The following PRKD3 variants were observed in gnomAD, a reference collection of about 807,000 sequenced individuals.
PRKD3 encodes the protein protein kinase D3.
In PRKD3, 47 loss-of-function variants were observed where a neutral mutation model predicts 99.2. The observed-to-expected ratio is 0.47, with a 90% CI of 0.38 to 0.60. The LOEUF is 0.60. Ranked by LOEUF, PRKD3 falls within the 20% of genes least tolerant of loss-of-function variation. The probability of loss-of-function intolerance (pLI) is 0.00; values close to 1 mark genes in which losing one functional copy is unlikely to be tolerated. For synonymous variants in PRKD3, 392 were observed against 355.4 expected, an observed-to-expected ratio of 1.10 and a Z score of -1.16; for missense variants, 1,019 against 1,088.4, an observed-to-expected ratio of 0.94 and a Z score of 0.90.
intron 2 of PRKD3, among the ~76,000 whole-genome samples, chr2:37,296,164 T>C (rs933809877): frequency 2.0e-5 from 3 of 152,234 alleles, no homozygotes; most frequent in East Asian, 3.8e-4. Flanking sequence ...TCATCAATAC[T>C]GTTTTGACCA....
intron 17 of PRKD3, 73 bp downstream of exon 17, chr2:37,256,589 G>C: frequency 1.4e-6 from 2 of 1,413,356 alleles, no homozygotes; most frequent in South Asian, 3.1e-5. Flanking sequence ...GACTGATTTG[G>C]GATGAGAAAG....
intron 7 of PRKD3, among the ~76,000 whole-genome samples, chr2:37,281,934 GA>G (rs1312211773): frequency 1.3e-5 from 2 of 150,216 alleles, no homozygotes; most frequent in East Asian, 2.0e-4. Flanking sequence ...ATCTTGAAAA[GA>G]AAAAAAAAGA....
rs76963773 is a variant in PRKD3, at chr2:37,303,260, C to T, written c.289-9989G>A. 5.0e-3 allele frequency among the ~76,000 whole-genome samples: 763 copies of T among 152,220 alleles called. 10 individuals carry two copies. Among genetic ancestry groups the T allele is most frequent in the African/African-American group, 0.017 (697 of 41,542 alleles). On this transcript the variant is annotated intron_variant, in intron 2 of 18. Coordinates refer to ENST00000234179, the MANE Select transcript of PRKD3 (RefSeq NM_005813.6). ...CATTTCCCATCACTTACCACCTTCA[C>T]CATCCTTCAAGTGTCTGGGGGATCT... is the stretch of plus-strand genomic sequence containing the variant.
At chr2:37,272,884 G>C in intron 11 of PRKD3, among the ~76,000 whole-genome samples, 1 of 151,752 alleles carries the variant, frequency 6.6e-6, no homozygotes. Context: ...TCAGGAGGCT[G>C]AGACAGGAGG....
Position 37,270,356 on chromosome 2 carries a change from A to AAG in PRKD3, c.1705-670_1705-669insCT, listed in dbSNP as rs1553369241. ...TTTGCTCTCATTGATTTTTGGAAAA[A>AAG]AAAAAAAAAAAACTCAAAAGTTCAT... On this transcript the variant is annotated intron_variant, in intron 12 of 18. Coordinates refer to ENST00000234179, the MANE Select transcript of PRKD3 (RefSeq NM_005813.6). Among the ~76,000 whole-genome samples the AAG allele has an allele frequency of 4.9e-3, 749 of 151,438 alleles. 5 individuals are homozygous for AAG. Among genetic ancestry groups the AAG allele is most frequent in the African/African-American group, 0.017 (708 of 41,196 alleles).
chr2:37,281,565 T>TC (rs908306040), intron 7 of PRKD3, among the ~76,000 whole-genome samples: 1 of 152,122 alleles, frequency 6.6e-6, no homozygotes, highest in Non-Finnish European at 1.5e-5. Context: ...CAAGGTGCCA[T>TC]CAACCAGGAA....
chr2:37,258,695 A>G (rs1249931337), intron 16 of PRKD3, among the ~76,000 whole-genome samples: 1 of 152,242 alleles, frequency 6.6e-6, no homozygotes, highest in Non-Finnish European at 1.5e-5. Flanking sequence ...ATGATAGGGA[A>G]TCACTTTTAA....
chr2:37,318,691 G>C (rs1054844568), intron 1 of PRKD3, among the ~76,000 whole-genome samples: 1 of 152,176 alleles, frequency 6.6e-6, no homozygotes, highest in African/African-American at 2.4e-5. Flanking sequence ...AAATGACTAA[G>C]ACTATAACAA....
chr2:37,314,983 C>T lies in PRKD3; in HGVS notation c.288+1254G>A, dbSNP rs1273509723. 7.2e-5 allele frequency among the ~76,000 whole-genome samples: 10 copies of T among 139,510 alleles called. No individual in the cohort carries two copies. The East Asian group carries it at 2.2e-3, about 31-fold the overall frequency. 91.5% of individuals were successfully genotyped at this position (139,510 alleles called of 152,430 possible). A position where few individuals can be genotyped will look rare whatever the true frequency, so the allele number is the denominator to read the frequency against. ...AGGCAGCATAGGTCATTTTCACAAA[C>T]TGCACAACATCTTTTGGATGGGTAA... On this transcript the variant is annotated intron_variant, in intron 2 of 18. Coordinates refer to ENST00000234179, the MANE Select transcript of PRKD3 (RefSeq NM_005813.6).
In PRKD3 at chr2:37,272,531, GCA is replaced by G. The variant is rs1185838826; in HGVS notation, c.1652-101_1652-100del. On this transcript the variant is annotated intron_variant, in intron 11 of 18. Coordinates refer to ENST00000234179, the MANE Select transcript of PRKD3 (RefSeq NM_005813.6). The stretch of plus-strand genomic sequence containing the variant: ...GGTATATCAAACTTTAAAAAGTTTA[GCA>G]CACAGTTAATACAATTATGTACATT... 6 of 1,412,004 alleles carry G rather than the reference GCA, an allele frequency of 4.2e-6. No homozygotes were observed. In the East Asian group the frequency reaches 7.8e-5, roughly 18 times the overall value. The allele number at this position is 1,412,004 out of a possible 1,614,324, so 87.5% of individuals were successfully genotyped here.
Position 37,288,395 on chromosome 2 carries a change from T to C in PRKD3, c.717+961A>G, listed in dbSNP as rs552831822. Among the ~76,000 whole-genome samples, 3 of 152,350 alleles carry C rather than the reference T, an allele frequency of 2.0e-5. No homozygotes were observed. The South Asian group carries it at 6.2e-4, about 32-fold the overall frequency. On this transcript the variant is annotated intron_variant, in intron 5 of 18. Transcript: ENST00000234179. ...TAAGCAGTAAGAGAAGATGGAATTT[T>C]TGTGAAAGGATTTCAAAAGCTTTTA... is the stretch of plus-strand genomic sequence containing the variant.
At chr2:37,263,395 T>G (rs1023406923) in intron 14 of PRKD3, among the ~76,000 whole-genome samples, 1 of 152,212 alleles carries the variant, frequency 6.6e-6, no homozygotes, top group Non-Finnish European at 1.5e-5. Flanking sequence ...TAATGAGGCA[T>G]TCTTTGTTTT....
At chr2:37,285,003 G>A (rs1436651576) in intron 6 of PRKD3, among the ~76,000 whole-genome samples, 2 of 151,862 alleles carry the variant, frequency 1.3e-5, no homozygotes, top group Non-Finnish European at 2.9e-5. Flanking sequence ...ACTCTGTCTT[G>A]TAAGCAAGAA....
chr2:37,261,746 C>T (rs915906028), intron 14 of PRKD3, among the ~76,000 whole-genome samples: 2 of 152,222 alleles, frequency 1.3e-5, no homozygotes, highest in Non-Finnish European at 2.9e-5. Flanking sequence ...CGCCATTGCA[C>T]TCTAGCCTGG....
At position 37,251,892 on chromosome 2, in the gene PRKD3, G is replaced by C. The variant is rs1236484009; in HGVS notation, c.*1285C>G. 1 of 150,282 alleles carries C rather than the reference G, an allele frequency of 6.7e-6. No homozygotes were observed. The highest frequency in any genetic ancestry group is 1.5e-5 in the Non-Finnish European group (1 of 67,718). 9.3% of individuals were successfully genotyped at this position (150,282 alleles called of 1,614,324 possible). ...TTAGAGTGGAGAAGAAAAAAAAAAA[G>C]GTTTACAATGATTACTGAGAAATGA... On this transcript the variant is annotated 3_prime_UTR_variant, in exon 19 of 19. Transcript: ENST00000234179.
At chr2:37,305,844 T>C (rs531596993) in intron 2 of PRKD3, among the ~76,000 whole-genome samples, 4 of 152,194 alleles carry the variant, frequency 2.6e-5, no homozygotes, top group African/African-American at 4.8e-5. Flanking sequence ...TTTTGAGCAC[T>C]AAGTATGTGC....
intron 2 of PRKD3, among the ~76,000 whole-genome samples, chr2:37,293,511 T>C (rs531887029): frequency 6.6e-6 from 1 of 152,302 alleles, no homozygotes; most frequent in East Asian, 1.9e-4. Flanking sequence ...AAAATACATG[T>C]CTCTTACAAA....
chr2:37,264,775 A>C (rs1038542125), intron 14 of PRKD3, among the ~76,000 whole-genome samples: 29 of 152,132 alleles, frequency 1.9e-4, no homozygotes, highest in African/African-American at 6.3e-4. Context: ...TGTTGTGTAT[A>C]TTGTCTGCAG....
chr2:37,282,926 A>G (rs1392144077), intron 6 of PRKD3, among the ~76,000 whole-genome samples: 4 of 152,152 alleles, frequency 2.6e-5, no homozygotes, highest in Non-Finnish European at 5.9e-5. Flanking sequence ...TTAAATTCCT[A>G]TCCAACATAT....
Sources: gnomAD v4.1 joint callset for allele counts (sites outside exome capture counted in the v4.1 genomes callset) on GRCh38, gnomAD v4.1.1 for gene constraint, MANE v1.5 for transcripts, NCBI Gene and HGNC (gene_info 2026-07-23, HGNC 2026-07-21) for gene names.